NEGR1: variants seen among roughly 807,000 people sequenced by gnomAD.
The protein encoded by NEGR1 is IgLON family member 4.
NEGR1 carries 10 observed loss-of-function variants against 40.9 expected under a neutral mutation model. The observed-to-expected ratio is 0.24, with a 90% CI of 0.15 to 0.42. NEGR1 has a LOEUF of 0.42. Among genes scored for constraint, NEGR1 ranks in the 10% least tolerant of loss-of-function variants. NEGR1 has a pLI of 1.00. For synonymous variants in NEGR1, 185 were observed against 166.8 expected (o/e 1.11, Z -0.84); for missense variants, 352 against 438.9 (o/e 0.80, Z 1.77).
rs567103870 is a variant in NEGR1 at position 72,177,583 on chromosome 1, A to C, written c.176+104736T>G. On this transcript the variant is annotated intron_variant, in intron 1 of 6. Coordinates refer to ENST00000357731, the MANE Select transcript of NEGR1 (RefSeq NM_173808.3). ...ACAACATATATCAAAGTTCCTCTAA[A>C]AAACTTATTCATACTGCCTATTTTT... Among the ~76,000 whole-genome samples, 162 of 152,160 alleles carry C rather than the reference A, an allele frequency of 1.1e-3. 1 individual carries two copies. The highest frequency in any genetic ancestry group is 3.6e-3 in the African/African-American group (150 of 41,560).
chr1:72,019,412 A>G (rs2100417661), intron 1 of NEGR1, among the ~76,000 whole-genome samples: 1 of 152,300 alleles, frequency 6.6e-6, no homozygotes, highest in African/African-American at 2.4e-5. Context: ...ATAGTGACAG[A>G]AAAAAACAGA....
intron 3 of NEGR1, among the ~76,000 whole-genome samples, chr1:71,775,234 C>A (rs1022097900): frequency 1.4e-4 from 22 of 152,054 alleles, no homozygotes; most frequent in Admixed American, 1.4e-3. Flanking sequence ...TCCATTTGAG[C>A]CTTTTGTCTA....
At chr1:71,679,000 T>C (rs529692672) in intron 4 of NEGR1, among the ~76,000 whole-genome samples, 27 of 152,104 alleles carry the variant, frequency 1.8e-4, no homozygotes, top group Non-Finnish European at 3.5e-4. Context: ...ACAGTGACGG[T>C]ATCAAGTTTG....
chr1:71,506,794 AAAAAAC>A (rs756510628), intron 6 of NEGR1, among the ~76,000 whole-genome samples: 11 of 140,744 alleles, frequency 7.8e-5, no homozygotes, highest in African/African-American at 2.3e-4. Context: ...AGTGATGGAT[AAAAAAC>A]AAAAACAAAA....
intron 6 of NEGR1, among the ~76,000 whole-genome samples, chr1:71,578,303 A>C (rs1291910491): frequency 6.6e-6 from 1 of 152,118 alleles, no homozygotes; most frequent in Non-Finnish European, 1.5e-5. Flanking sequence ...AAAACAACTA[A>C]CATGCAAAGG....
chr1:71,823,768 G>A (rs1658517288), intron 2 of NEGR1, among the ~76,000 whole-genome samples: 1 of 152,040 alleles, frequency 6.6e-6, no homozygotes, highest in African/African-American at 2.4e-5. Flanking sequence ...TGAGAAAACA[G>A]TAGCAATGAT....
At chr1:71,747,782 C>T (rs565319636) in intron 3 of NEGR1, among the ~76,000 whole-genome samples, 1 of 151,184 alleles carries the variant, frequency 6.6e-6, no homozygotes, top group African/African-American at 2.4e-5. Context: ...GTGGATTTCT[C>T]ATTTTTATAA....
chr1:71,868,479 C>CAGA (rs1660185093), intron 2 of NEGR1, among the ~76,000 whole-genome samples: 7 of 80,034 alleles, frequency 8.7e-5, no homozygotes, highest in African/African-American at 1.8e-4. Flanking sequence ...AGAATACATA[C>CAGA]ATACATACAT....
At chr1:71,708,077 C>G (rs942738009) in intron 3 of NEGR1, among the ~76,000 whole-genome samples, 12 of 151,626 alleles carry the variant, frequency 7.9e-5, no homozygotes, top group Non-Finnish European at 1.5e-5. Context: ...AATATAATAC[C>G]TAACTTTTTA....
At chr1:71,434,793 T>TA (rs1195092825) in intron 6 of NEGR1, among the ~76,000 whole-genome samples, 7 of 152,208 alleles carry the variant, frequency 4.6e-5, no homozygotes, top group South Asian at 2.1e-4. Context: ...TTACTATAGT[T>TA]AAAAAAACAA....
At chr1:72,030,645 A>C (rs1386209882) in intron 1 of NEGR1, among the ~76,000 whole-genome samples, 1 of 152,188 alleles carries the variant, frequency 6.6e-6, no homozygotes, top group Non-Finnish European at 1.5e-5. Flanking sequence ...AACACTAAAA[A>C]GAACTTCATT....
At chr1:71,978,194 T>C (rs1646323422) in intron 1 of NEGR1, among the ~76,000 whole-genome samples, 1 of 151,978 alleles carries the variant, frequency 6.6e-6, no homozygotes, top group African/African-American at 2.4e-5. Flanking sequence ...ACCCCATCAG[T>C]TAAGTGCTGT....
intron 1 of NEGR1, among the ~76,000 whole-genome samples, chr1:72,161,450 G>T (rs1379730900): frequency 1.3e-5 from 2 of 151,932 alleles, no homozygotes; most frequent in African/African-American, 2.4e-5. Context: ...ATCGTTGATT[G>T]CCATAATTAG....
intron 2 of NEGR1, among the ~76,000 whole-genome samples, chr1:71,812,222 T>C (rs1658029096): frequency 1.3e-5 from 2 of 152,118 alleles, no homozygotes; most frequent in South Asian, 2.1e-4. Context: ...GCAAAGGACA[T>C]TAATTCATTC....
chr1:72,207,397 C>T (rs1202132191), intron 1 of NEGR1, among the ~76,000 whole-genome samples: 3 of 151,510 alleles, frequency 2.0e-5, no homozygotes, highest in African/African-American at 7.3e-5. Context: ...CTTTGAACTT[C>T]TAATTAAAAT....
intron 2 of NEGR1, among the ~76,000 whole-genome samples, chr1:71,836,659 A>G (rs1006518049): frequency 5.9e-5 from 9 of 151,954 alleles, no homozygotes; most frequent in Admixed American, 2.0e-4. Context: ...TTCCTATAAA[A>G]AAAACTCACT....
chr1:72,000,654 T>A (rs912469233), intron 1 of NEGR1, among the ~76,000 whole-genome samples: 4 of 152,306 alleles, frequency 2.6e-5, no homozygotes, highest in South Asian at 4.1e-4. Context: ...TTATTAATTC[T>A]TTTTCTACAC....
rs1646226824 is a variant in NEGR1 at position 71,398,606 on chromosome 1, T to C, written c.*8840A>G. Reference sequence around the variant, plus strand: ...TGGCTGCTCATAGGCAGAAGAGACTTGCCTTGTCTCAGATGAGACTTTAGA... The same window carrying C: ...TGGCTGCTCATAGGCAGAAGAGACTCGCCTTGTCTCAGATGAGACTTTAGA... On this transcript the variant is annotated 3_prime_UTR_variant, in exon 7 of 7. Coordinates refer to ENST00000357731, the MANE Select transcript of NEGR1 (RefSeq NM_173808.3). The C allele has an allele frequency of 6.6e-6, 1 of 152,236 alleles. No individual in the cohort carries two copies. The highest frequency in any genetic ancestry group is 2.4e-5 in the African/African-American group (1 of 41,454). 9.4% of individuals were successfully genotyped at this position (152,236 alleles called of 1,614,324 possible).
At position 71,569,827 on chromosome 1, in the gene NEGR1, C is replaced by T. The variant is rs75878834; in HGVS notation, c.940+22990G>A. ...CTGAGTTGTAAAGGGGTGATTTGAA[C>T]CATGTTTCAAATGACCTTTAGAAAA... On this transcript the variant is annotated intron_variant, in intron 6 of 6. Coordinates refer to ENST00000357731, the MANE Select transcript of NEGR1 (RefSeq NM_173808.3). Among the ~76,000 whole-genome samples the T allele has an allele frequency of 4.6e-5, 7 of 152,260 alleles. No individual in the cohort carries two copies. In the East Asian group the frequency reaches 1.4e-3, roughly 29 times the overall value.
Sources: allele counts gnomAD v4.1 joint callset (sites outside exome capture counted in the v4.1 genomes callset), GRCh38; gene constraint gnomAD v4.1.1; transcripts MANE v1.5; gene names NCBI Gene and HGNC (gene_info 2026-07-23, HGNC 2026-07-21).